The following CTNNA2 variants were observed in gnomAD, a reference collection of about 807,000 sequenced individuals.
The protein encoded by CTNNA2 is catenin alpha-2.
A neutral mutation model predicts 101.0 loss-of-function variants in CTNNA2; 42 were observed. The observed-to-expected ratio is 0.42, with a 90% confidence interval of 0.32 to 0.54. The LOEUF is 0.54. Ranked by LOEUF, CTNNA2 falls within the 20% of genes least tolerant of loss-of-function variation. CTNNA2 has a pLI of 0.14. For synonymous variants in CTNNA2, 450 were observed against 456.4 expected, an observed-to-expected ratio of 0.99 and a Z score of 0.18; for missense variants, 871 against 1,223.1, an observed-to-expected ratio of 0.71 and a Z score of 4.29.
Position 79,439,987 on chromosome 2 carries a change from T to TA in CTNNA2, c.-134-65061dup, listed in dbSNP as rs564066734. Among the ~76,000 whole-genome samples the TA allele has an allele frequency of 2.0e-3, 307 of 152,198 alleles. 1 individual carries two copies. The Middle Eastern group carries it at 0.02, about 10-fold the overall frequency. The stretch of plus-strand genomic sequence containing the variant: ...TTTTAATAATAATAAATAATATTGT[T>TA]AAAAAATCATTAAGTTTCATTATAA... On this transcript the variant is annotated intron_variant, in intron 4 of 21. Coordinates refer to the CTNNA2 transcript ENST00000466387.
rs1414869801 is a variant in CTNNA2, at chr2:79,620,573, C to G, written c.-5-30979C>G. ...CTCCCTAACAGGGTACCTGAGTAGACAGACATACCCACTAAATAGTAAATA... is the reference window on the plus strand; with the variant it reads ...CTCCCTAACAGGGTACCTGAGTAGAGAGACATACCCACTAAATAGTAAATA... On this transcript the variant is annotated intron_variant, in intron 1 of 18. Transcript: ENST00000402739. Among the ~76,000 whole-genome samples the G allele has an allele frequency of 3.9e-5, 6 of 152,184 alleles. No homozygotes were observed. The East Asian group carries it at 1.2e-3, about 29-fold the overall frequency.
intron 7 of CTNNA2, among the ~76,000 whole-genome samples, chr2:80,368,884 T>TATATA (rs1675196348): frequency 6.6e-6 from 1 of 150,432 alleles, no homozygotes. Context: ...TATATATATA[T>TATATA]TTGGCACGCT....
intron 2 of CTNNA2, among the ~76,000 whole-genome samples, chr2:79,264,148 A>G (rs984563924): frequency 3.9e-5 from 6 of 152,152 alleles, no homozygotes; most frequent in Non-Finnish European, 7.3e-5. Flanking sequence ...GGGAAACATA[A>G]GTACCACTTG....
chr2:79,281,004 G>A (rs1018695155), intron 2 of CTNNA2, among the ~76,000 whole-genome samples: 2 of 152,074 alleles, frequency 1.3e-5, no homozygotes, highest in Admixed American at 6.6e-5. Flanking sequence ...CTTTTCCTGA[G>A]TTCCTGCTCC....
intron 7 of CTNNA2, among the ~76,000 whole-genome samples, chr2:80,039,863 A>G (rs759639703): frequency 2.0e-5 from 3 of 152,234 alleles, no homozygotes; most frequent in South Asian, 2.1e-4. Flanking sequence ...GTGGTCAGAA[A>G]AAAAGGTGAA....
At chr2:79,687,541 A>C in intron 2 of CTNNA2, 1 of 700,106 alleles carries the variant, frequency 1.4e-6, no homozygotes. Flanking sequence ...AACTGAATAC[A>C]CATTGTTTTG....
At chr2:80,313,668 G>C (rs1357792612) in intron 7 of CTNNA2, 1 of 1,589,470 alleles carries the variant, frequency 6.3e-7, no homozygotes, top group South Asian at 1.1e-5. Context: ...TGCAGGAGAA[G>C]GGGGTAAGAA....
intron 7 of CTNNA2, among the ~76,000 whole-genome samples, chr2:80,277,224 T>G (rs1325981587): frequency 6.6e-6 from 1 of 152,124 alleles, no homozygotes; most frequent in Non-Finnish European, 1.5e-5. Flanking sequence ...CACTGTGGAA[T>G]CTGGCCACAT....
In CTNNA2 at chr2:79,853,746, G is replaced by A. The variant is rs143520096; in HGVS notation, c.299-4267G>A. On this transcript the variant is annotated intron_variant, in intron 3 of 18. Transcript: ENST00000402739. ...GGCAATGGCGTGATCTTGGCTCACC[G>A]CAACATTCACCTCCCGGGTTCAAGT... is the stretch of plus-strand genomic sequence containing the variant. 2.1e-3 allele frequency among the ~76,000 whole-genome samples: 315 copies of A among 149,400 alleles called. 1 individual carries two copies. Among genetic ancestry groups the A allele is most frequent in the African/African-American group, 7.6e-3 (307 of 40,482 alleles).
intron 7 of CTNNA2, among the ~76,000 whole-genome samples, chr2:80,086,115 T>TA (rs572948168): frequency 2.6e-5 from 4 of 151,968 alleles, no homozygotes; most frequent in Admixed American, 6.6e-5. Flanking sequence ...TTTGGCAATC[T>TA]AAAAAAACAA....
chr2:79,629,706 G>C (rs1052204486), intron 1 of CTNNA2, among the ~76,000 whole-genome samples: 1 of 152,140 alleles, frequency 6.6e-6, no homozygotes, highest in Non-Finnish European at 1.5e-5. Context: ...TCAGTGTCTC[G>C]ATAGATGGGA....
At chr2:79,770,432 G>A (rs546870790) in intron 3 of CTNNA2, among the ~76,000 whole-genome samples, 7 of 152,160 alleles carry the variant, frequency 4.6e-5, no homozygotes, top group East Asian at 1.9e-4. Context: ...ACAAAACTTC[G>A]GAGACACATG....
At chr2:79,901,328 G>T (rs886247146) in intron 6 of CTNNA2, among the ~76,000 whole-genome samples, 1 of 151,752 alleles carries the variant, frequency 6.6e-6, no homozygotes. Flanking sequence ...ACAGCAGGTG[G>T]TAAGTGCCTG....
chr2:80,628,377 C>A (rs1671911952), intron 18 of CTNNA2, among the ~76,000 whole-genome samples: 1 of 151,960 alleles, frequency 6.6e-6, no homozygotes, highest in South Asian at 2.1e-4. Context: ...TACAAGGCTA[C>A]AGTAACAAAA....
intron 8 of CTNNA2, among the ~76,000 whole-genome samples, chr2:80,396,698 T>C (rs1678045130): frequency 1.3e-5 from 2 of 152,240 alleles, no homozygotes; most frequent in Non-Finnish European, 2.9e-5. Context: ...TAGTCCCTGA[T>C]TTTCCAAGTT....
chr2:79,562,835 A>C (rs144944374), intron 1 of CTNNA2, among the ~76,000 whole-genome samples: 2,316 of 152,020 alleles, frequency 0.015, 25 homozygotes, highest in Middle Eastern at 0.044. Flanking sequence ...AATTGGAGTT[A>C]GATGTTAAAA....
intron 4 of CTNNA2, among the ~76,000 whole-genome samples, chr2:79,860,538 T>G (rs1476958527): frequency 8.0e-6 from 1 of 124,778 alleles, no homozygotes; most frequent in Non-Finnish European, 1.7e-5. Context: ...CACAGCCGAG[T>G]AAGGGAAGTT....
At chr2:79,291,073 T>C (rs1675794461) in intron 2 of CTNNA2, among the ~76,000 whole-genome samples, 1 of 152,066 alleles carries the variant, frequency 6.6e-6, no homozygotes, top group Non-Finnish European at 1.5e-5. Flanking sequence ...GTTTGAGCAG[T>C]GGGGCACTGA....
chr2:79,806,900 T>C (rs72914642), intron 3 of CTNNA2, among the ~76,000 whole-genome samples: 4,504 of 152,208 alleles, frequency 0.03, 241 homozygotes, highest in African/African-American at 0.1. Flanking sequence ...CCCCTTCTTA[T>C]GGATATCTTA....
Sources: gnomAD v4.1 joint callset for allele counts (sites outside exome capture counted in the v4.1 genomes callset) on GRCh38, gnomAD v4.1.1 for gene constraint, MANE v1.5 for transcripts, NCBI Gene and HGNC (gene_info 2026-07-23, HGNC 2026-07-21) for gene names.